DNAH5: variants seen among roughly 807,000 people sequenced by gnomAD.
The protein encoded by DNAH5 is dynein axonemal heavy chain 5.
In DNAH5, 372 loss-of-function variants were observed where a neutral mutation model predicts 518.2. The observed-to-expected ratio is 0.72, with a 90% CI of 0.66 to 0.78. DNAH5 has a LOEUF of 0.78. DNAH5 is among the 30% of genes least tolerant of loss of function. DNAH5 has a pLI of 0.00. For synonymous variants in DNAH5, 2,039 were observed against 2,025.9 expected (o/e 1.01, Z -0.17); for missense variants, 5,523 against 5,687.0 (o/e 0.97, Z 0.93).
rs564639094 is a variant in DNAH5, at chr5:13,820,288, A to G, written c.6841+58T>C. On this transcript the variant is annotated intron_variant, in intron 41 of 78. Transcript: ENST00000265104. The stretch of plus-strand genomic sequence containing the variant: ...CCTGTGTATCCCTCTTGGGCATTCA[A>G]ATGGGTCACCACTACTTAAATGGGC... 5.0e-6 allele frequency: 8 copies of G among 1,585,720 alleles called. No homozygotes were observed. The African/African-American group carries it at 8.0e-5, about 16-fold the overall frequency.
intron 2 of DNAH5, among the ~76,000 whole-genome samples, chr5:13,929,052 T>C (rs919224129): frequency 3.9e-5 from 6 of 152,220 alleles, no homozygotes; most frequent in African/African-American, 1.2e-4. Flanking sequence ...CCCATGTTCA[T>C]AGTAGCATTA....
intron 71 of DNAH5, among the ~76,000 whole-genome samples, 200 bp downstream of exon 71, chr5:13,720,800 A>G (rs1270499528): frequency 6.6e-6 from 1 of 152,068 alleles, no homozygotes; most frequent in Non-Finnish European, 1.5e-5. Flanking sequence ...CCACTTTGCT[A>G]TCCTTGGGTA....
intron 17 of DNAH5, among the ~76,000 whole-genome samples, chr5:13,890,451 A>G (rs1773062396): frequency 6.6e-6 from 1 of 151,464 alleles, no homozygotes; most frequent in South Asian, 2.1e-4. Flanking sequence ...GAGGGCCTTT[A>G]TCTTAACATG....
chr5:13,983,502 C>A (rs1038621003), intron 1 of DNAH5, among the ~76,000 whole-genome samples: 3 of 152,200 alleles, frequency 2.0e-5, no homozygotes, highest in African/African-American at 7.2e-5. Context: ...CAAACACATT[C>A]CATCAGCATC....
At chr5:13,762,677 G>A (rs748631321) in intron 60 of DNAH5, 45 bp downstream of exon 60, 28 of 1,577,284 alleles carry the variant, frequency 1.8e-5, no homozygotes, top group African/African-American at 5.4e-5. Flanking sequence ...TCGACCTGGA[G>A]ACTCCGCCCA....
intron 16 of DNAH5, 56 bp from the exon 17 acceptor site, chr5:13,891,177 A>G: frequency 6.3e-7 from 1 of 1,583,722 alleles, no homozygotes; most frequent in Non-Finnish European, 8.7e-7. Context: ...TTTGTTTTTT[A>G]AAAAAATCAA....
intron 1 of DNAH5, among the ~76,000 whole-genome samples, chr5:13,950,823 C>A (rs1780330467): frequency 6.6e-6 from 1 of 151,144 alleles, no homozygotes; most frequent in South Asian, 2.1e-4. Flanking sequence ...TGCTTAGAAC[C>A]AAAATTTCAG....
chr5:13,996,006 G>T (rs376295875), intron 1 of DNAH5, among the ~76,000 whole-genome samples: 2 of 152,156 alleles, frequency 1.3e-5, no homozygotes, highest in East Asian at 1.9e-4. Flanking sequence ...AGGAAGAAAG[G>T]TATGGTGTGT....
At chr5:13,704,866 G>A (rs1742573882) in intron 76 of DNAH5, among the ~76,000 whole-genome samples, 1 of 152,200 alleles carries the variant, frequency 6.6e-6, no homozygotes, top group Non-Finnish European at 1.5e-5. Context: ...AGAGACTAGA[G>A]GGTGGAGTGA....
intron 24 of DNAH5, among the ~76,000 whole-genome samples, chr5:13,869,335 T>C (rs1473961866): frequency 1.3e-5 from 2 of 150,114 alleles, no homozygotes; most frequent in Non-Finnish European, 3.0e-5. Flanking sequence ...TTTTTTTTAA[T>C]GCTACAATTA....
At chr5:13,792,300 G>T in intron 49 of DNAH5, 83 bp from the exon 50 acceptor site, 2 of 1,159,718 alleles carry the variant, frequency 1.7e-6, no homozygotes, top group South Asian at 1.3e-5. Context: ...CATAGGGTTT[G>T]CAAAAATGTC....
intron 5 of DNAH5, among the ~76,000 whole-genome samples, chr5:13,921,507 A>G (rs932184454): frequency 6.8e-6 from 1 of 148,130 alleles, no homozygotes; most frequent in African/African-American, 2.6e-5. Flanking sequence ...ACACACACAC[A>G]CACACACACA....
At chr5:13,901,972 AAAT>A (rs966053659) in intron 13 of DNAH5, 78 bp downstream of exon 13, 22 of 1,052,606 alleles carry the variant, frequency 2.1e-5, no homozygotes, top group South Asian at 2.9e-5. Context: ...TCAGAATATG[AAAT>A]AATAATAATA....
intron 12 of DNAH5, among the ~76,000 whole-genome samples, chr5:13,904,676 C>G (rs1775072090): frequency 6.6e-6 from 1 of 151,906 alleles, no homozygotes. Flanking sequence ...ATTGGGAGGC[C>G]AAGGTTGGCA....
Position 13,916,463 on chromosome 5 carries a change from A to T in DNAH5, c.1090-8T>A, listed in dbSNP as rs16902950. ...AGCATCCATCATGGATAGCTGAAAG[A>T]TATCACCAAAGTTTTCAGAAAAAAT... is the stretch of plus-strand genomic sequence containing the variant. On this transcript the variant is annotated splice_region_variant and splice_polypyrimidine_tract_variant and intron_variant, in intron 8 of 78. Transcript: ENST00000265104. 33 of 1,458,390 alleles carry T rather than the reference A, an allele frequency of 2.3e-5. No homozygotes were observed. The East Asian group carries it at 7.1e-4, about 32-fold the overall frequency. The allele number at this position is 1,458,390 out of a possible 1,614,324, so 90.3% of individuals were successfully genotyped here. A position where few individuals can be genotyped will look rare whatever the true frequency, so the allele number is the denominator to read the frequency against.
rs1249881972 is a variant in DNAH5 at position 13,810,088 on chromosome 5, G to C, written c.7580C>G (p.Thr2527Ser). 1 of 1,552,864 alleles carries C rather than the reference G, an allele frequency of 6.4e-7. No homozygotes were observed. Among genetic ancestry groups the C allele is most frequent in the Non-Finnish European group, 8.7e-7 (1 of 1,148,566 alleles). The change falls in exon 45 of 79, where the codon ACC (threonine) becomes AGC (serine). Residue 2527 changes from threonine (T) to serine (S), a missense_variant. Thr to Ser is a moderately conservative substitution (Grantham distance 58). Transcript: ENST00000265104. ...ELPPPAGPGDTAFDYYVAPDG... is the reference protein window; with the variant it reads ...ELPPPAGPGDSAFDYYVAPDG... ...GGGCGCCACATAGTAGTCGAAGGCG[G>C]TGTCCCCGGGCCCCGCTGGCGGCGG... is the stretch of plus-strand genomic sequence containing the variant.
Position 13,727,522 on chromosome 5 carries a change from G to T in DNAH5, c.12018C>A (p.Asp4006Glu). 1.2e-6 allele frequency: 2 copies of T among 1,613,436 alleles called. No homozygotes were observed. Among genetic ancestry groups the T allele is most frequent in the East Asian group, 2.2e-5 (1 of 44,822 alleles). ...GACTTTTTACCTGGGCGATGGTTCT[G>T]TCAGGACACCAGGATCTAATAAGGA... ...RLLLIRSWCP[D>E]RTIAQARKYI... is the part of the protein sequence containing the mutation. The change falls in exon 70 of 79, where the codon GAC (aspartate) becomes GAA (glutamate). Residue 4006 changes from aspartate to glutamate, a missense_variant. Coordinates refer to ENST00000265104, the MANE Select transcript of DNAH5 (RefSeq NM_001369.3).
intron 75 of DNAH5, among the ~76,000 whole-genome samples, chr5:13,709,415 G>T (rs911730476): frequency 4.0e-5 from 6 of 151,372 alleles, no homozygotes; most frequent in Non-Finnish European, 1.5e-5. Context: ...AAAAAAATTT[G>T]TGAGTGCATA....
chr5:13,931,364 T>G, intron 1 of DNAH5, 120 bp from the exon 2 acceptor site: 1 of 1,086,614 alleles, frequency 9.2e-7, no homozygotes, highest in Non-Finnish European at 1.4e-6. Flanking sequence ...ATAGACAGCT[T>G]AATGGTACCA....
Sources: gnomAD v4.1 joint callset for allele counts (sites outside exome capture counted in the v4.1 genomes callset) on GRCh38, gnomAD v4.1.1 for gene constraint, MANE v1.5 for transcripts, NCBI Gene and HGNC (gene_info 2026-07-23, HGNC 2026-07-21) for gene names.